Variants in COL6A5 observed in about 807,000 individuals in gnomAD.
COL6A5 encodes the protein collagen alpha-5(VI) chain.
In COL6A5, 48 loss-of-function variants were observed where a neutral mutation model predicts 65.6. The observed-to-expected ratio is 0.73, with a 90% confidence interval of 0.58 to 0.93. The LOEUF (loss-of-function observed/expected upper bound fraction) is 0.93. Ranked by LOEUF, COL6A5 falls within the 40% of genes least tolerant of loss-of-function variation. COL6A5 has a pLI of 0.00. For synonymous variants in COL6A5, 291 were observed against 322.8 expected (o/e 0.90, Z 1.05); for missense variants, 914 against 928.3 (o/e 0.98, Z 0.20).
chr3:130,408,038 ATTGT>A (rs1008668396), intron 17 of COL6A5, among the ~76,000 whole-genome samples: 44 of 152,292 alleles, frequency 2.9e-4, no homozygotes, highest in African/African-American at 7.7e-4. Flanking sequence ...ATCTGCACAA[ATTGT>A]TTGTAAACCA....
intron 6 of COL6A5, among the ~76,000 whole-genome samples, chr3:130,390,222 C>T (rs1936346397): frequency 6.6e-6 from 1 of 151,954 alleles, no homozygotes; most frequent in African/African-American, 2.4e-5. Flanking sequence ...ATGTGGAGGC[C>T]CTGTCTACAG....
In COL6A5 at chr3:130,410,520, G is replaced by A. The variant is rs1389031294; in HGVS notation, c.4658G>A (p.Ser1553Asn). ...CAAGGCAGTCCTAGTTCCAGAGGCA[G>A]CAGGGTAAGTATTTCTGTGGACATT... The change falls in exon 20 of 42, where the codon AGC becomes AAC. Residue 1553 changes from serine (S) to asparagine (N), a missense_variant and NMD_transcript_variant. By Grantham distance (46) the Ser-to-Asn change is conservative (BLOSUM62 1). Coordinates refer to the COL6A5 transcript ENST00000312481. The A allele has an allele frequency of 6.5e-7, 1 of 1,550,166 alleles. No individual in the cohort carries two copies. The highest frequency in any genetic ancestry group is 2.4e-5 in the East Asian group (1 of 40,894).
At chr3:130,449,069 A>G (rs2107710822) in intron 4 of COL6A5, among the ~76,000 whole-genome samples, 2 of 152,310 alleles carry the variant, frequency 1.3e-5, no homozygotes, top group Middle Eastern at 3.4e-3. Context: ...AGAAAAGAGA[A>G]GATTCCACAT....
Position 130,403,573 on chromosome 3 carries a change from G to C in COL6A5, c.4228-36G>C. On this transcript the variant is annotated intron_variant and NMD_transcript_variant, in intron 12 of 41. Transcript: ENST00000312481. Reference sequence around the variant, plus strand: ...CACAAGTTTGACTTTATTGGGGGGGGGTGACTAAAATGTATTGTTCTCTCT... The same window carrying C: ...CACAAGTTTGACTTTATTGGGGGGGCGTGACTAAAATGTATTGTTCTCTCT... 4 of 1,525,194 alleles carry C rather than the reference G, an allele frequency of 2.6e-6. No individual in the cohort carries two copies. The South Asian group carries it at 3.6e-5, about 14-fold the overall frequency. 94.5% of individuals were successfully genotyped at this position (1,525,194 alleles called of 1,614,324 possible). A position where few individuals can be genotyped will look rare whatever the true frequency, so the allele number is the denominator to read the frequency against.
intron 23 of COL6A5, among the ~76,000 whole-genome samples, chr3:130,416,510 C>T (rs1937341633): frequency 6.6e-6 from 1 of 152,096 alleles, no homozygotes; most frequent in Non-Finnish European, 1.5e-5. Flanking sequence ...TTCTTTTTCT[C>T]ACTAAGCCCC....
chr3:130,393,968 A>G (rs1936498065), intron 7 of COL6A5, among the ~76,000 whole-genome samples: 1 of 151,848 alleles, frequency 6.6e-6, no homozygotes, highest in East Asian at 2.0e-4. Context: ...TTGCAGGTCT[A>G]TCCGGGCAGC....
intron 6 of COL6A5, among the ~76,000 whole-genome samples, chr3:130,390,748 C>T (rs1235994516): frequency 6.6e-6 from 1 of 152,220 alleles, no homozygotes; most frequent in Non-Finnish European, 1.5e-5. Context: ...AAACTACCAA[C>T]TTATACAGTG....
At chr3:130,400,388 C>A (rs893692455) in intron 10 of COL6A5, among the ~76,000 whole-genome samples, 2 of 152,130 alleles carry the variant, frequency 1.3e-5, no homozygotes, top group Non-Finnish European at 2.9e-5. Context: ...TGTATCTCTG[C>A]TATTATACAA....
intron 1 of COL6A5, among the ~76,000 whole-genome samples, chr3:130,359,704 G>A (rs1398943130): frequency 6.6e-6 from 1 of 152,058 alleles, no homozygotes; most frequent in African/African-American, 2.4e-5. Flanking sequence ...GAAGTCATAG[G>A]TGGTTCTGCA....
chr3:130,392,077 C>T (rs543992174), intron 7 of COL6A5, among the ~76,000 whole-genome samples: 112 of 152,268 alleles, frequency 7.4e-4, no homozygotes, highest in African/African-American at 2.6e-3. Context: ...AATGGCTGCT[C>T]ATGGTGCTCC....
chr3:130,430,776 C>T (rs534126794), upstream of COL6A5, among the ~76,000 whole-genome samples: 27 of 152,278 alleles, frequency 1.8e-4, no homozygotes, highest in South Asian at 5.6e-3. Context: ...TTGGAAACAG[C>T]CTCTTTATCC....
chr3:130,449,534 A>G (rs941769276), intron 4 of COL6A5, among the ~76,000 whole-genome samples: 5 of 152,102 alleles, frequency 3.3e-5, no homozygotes, highest in African/African-American at 1.2e-4. Context: ...TCCAACACCT[A>G]CTAGTCCCAT....
At chr3:130,391,207 T>C (rs760914750) in exon 7 of COL6A5, 1 of 1,550,610 alleles carries the variant, frequency 6.4e-7, no homozygotes. Context: ...TACTAGACGT[T>C]GTGTTTGTGC....
At chr3:130,358,647 T>A (rs1577423742) in intron 1 of COL6A5, among the ~76,000 whole-genome samples, 1 of 152,268 alleles carries the variant, frequency 6.6e-6, no homozygotes, top group Middle Eastern at 3.4e-3. Flanking sequence ...AATGTGGAAT[T>A]TTTTCCCCCC....
At chr3:130,364,255 T>C (rs1935247957) in intron 1 of COL6A5, among the ~76,000 whole-genome samples, 1 of 152,116 alleles carries the variant, frequency 6.6e-6, no homozygotes, top group South Asian at 2.1e-4. Flanking sequence ...CGACCCCACA[T>C]CTTAGAAATA....
At chr3:130,404,840 T>C (rs1467215516) in intron 13 of COL6A5, among the ~76,000 whole-genome samples, 1 of 152,256 alleles carries the variant, frequency 6.6e-6, no homozygotes, top group African/African-American at 2.4e-5. Context: ...TAATTATTCA[T>C]GCAGCAAAAT....
intron 1 of COL6A5, among the ~76,000 whole-genome samples, chr3:130,434,250 C>G (rs1203110457): frequency 6.6e-6 from 1 of 152,172 alleles, no homozygotes; most frequent in Non-Finnish European, 1.5e-5. Flanking sequence ...ATCCATGTCC[C>G]TGCAAAGGAC....
chr3:130,348,255 T>C (rs1934575623), intron 1 of COL6A5, among the ~76,000 whole-genome samples: 3 of 152,228 alleles, frequency 2.0e-5, no homozygotes, highest in African/African-American at 7.2e-5. Flanking sequence ...GCATTTGTCC[T>C]AATGCTCTCC....
chr3:130,465,407 C>T (rs898052233), intron 5 of COL6A5, among the ~76,000 whole-genome samples: 1 of 151,992 alleles, frequency 6.6e-6, no homozygotes, highest in African/African-American at 2.4e-5. Flanking sequence ...GTGCCATTTG[C>T]TCAACAGGGC....
Sources: gnomAD v4.1 joint callset for allele counts (sites outside exome capture counted in the v4.1 genomes callset) on GRCh38, gnomAD v4.1.1 for gene constraint, MANE v1.5 for transcripts, NCBI Gene and HGNC (gene_info 2026-07-23, HGNC 2026-07-21) for gene names.